The following PCDHGB4 variants were observed in gnomAD, a reference collection of about 807,000 sequenced individuals.
PCDHGB4 encodes the protein protocadherin gamma subfamily B, 4, also known as protocadherin gamma-B4.
Under a neutral mutation model 60.5 loss-of-function variants are expected in PCDHGB4, and 38 were observed. That is an observed-to-expected ratio of 0.63 (90% CI 0.48 to 0.82). The LOEUF (loss-of-function observed/expected upper bound fraction) is 0.82, where lower values mean the gene tolerates loss of function less well. PCDHGB4 is among the 40% of genes least tolerant of loss of function. The pLI is 0.00. For missense variants in PCDHGB4, 1,109 were observed against 1,209.6 expected (o/e 0.92, Z 1.23); for synonymous variants, 456 against 509.7 (o/e 0.89, Z 1.42).
chr5:141,413,365 G>A (rs1046513869), intron 1 of PCDHGB4: 14 of 1,614,000 alleles, frequency 8.7e-6, no homozygotes, highest in Non-Finnish European at 1.2e-5. Flanking sequence ...CCGGGAGCTG[G>A]CGGAGCGCGG....
Position 141,489,391 on chromosome 5 carries a change from G to C in PCDHGB4, c.2398-5416G>C. 6.2e-7 allele frequency: 1 copy of C among 1,614,174 alleles called. No individual in the cohort carries two copies. The highest frequency in any genetic ancestry group is 8.5e-7 in the Non-Finnish European group (1 of 1,180,022). ...GACGCTGGTGGGGAATGTTGCTCAG[G>C]ATCTGGGCTTAAAGATGACAGATCT... On this transcript the variant is annotated intron_variant, in intron 1 of 3. Transcript: ENST00000519479. This position sits in a 1 kb window ranked among gnomAD's most constrained non-coding sequence, Gnocchi z 4.5.
In PCDHGB4 at chr5:141,476,516, G is replaced by T. The variant is rs1042414523; in HGVS notation, c.2398-18291G>T. 1 of 1,614,016 alleles carries T rather than the reference G, an allele frequency of 6.2e-7. No individual in the cohort carries two copies. The highest frequency in any genetic ancestry group is 8.5e-7 in the Non-Finnish European group (1 of 1,180,022). ...CCAGGACATCAACGACAACAATCCT[G>T]CTTTCCCTACCCAGGAAATGAAATT... On this transcript the variant is annotated intron_variant, in intron 1 of 3. Transcript: ENST00000519479. The surrounding 1 kb of genome is among the most constrained non-coding windows in gnomAD (Gnocchi z 7.6).
intron 1 of PCDHGB4, chr5:141,478,344 A>G: frequency 6.2e-7 from 1 of 1,613,882 alleles, no homozygotes; most frequent in Non-Finnish European, 8.5e-7. Context: ...CCCTCCTTGC[A>G]CGCGGACGCC....
chr5:141,419,853 C>A lies in PCDHGB4; in HGVS notation c.2397+29572C>A, dbSNP rs1327953878. The A allele has an allele frequency of 1.9e-6, 3 of 1,614,072 alleles. No homozygotes were observed. In the Admixed American group the frequency reaches 5.0e-5, roughly 27 times the overall value. The stretch of plus-strand genomic sequence containing the variant: ...ACTGCCACGCTGCACCTGGTGTTCG[C>A]AGATAGCTTGCAAGAGGTACTGCCG... On this transcript the variant is annotated intron_variant, in intron 1 of 3. Transcript: ENST00000519479.
rs987203685 is a variant in PCDHGB4 at position 141,403,829 on chromosome 5, C to A, written c.2397+13548C>A. ...TAATGAAAAACAATCTCTGCTATTC[C>A]AGCTTAATGAAAATACTGGGGAAAT... is the stretch of plus-strand genomic sequence containing the variant. On this transcript the variant is annotated intron_variant, in intron 1 of 3. Transcript: ENST00000519479. 1.2e-6 allele frequency: 2 copies of A among 1,613,602 alleles called. No homozygotes were observed. The highest frequency in any genetic ancestry group is 2.2e-5 in the East Asian group (1 of 44,884).
chr5:141,472,371 C>G (rs2099278632), intron 1 of PCDHGB4, among the ~76,000 whole-genome samples: 1 of 151,944 alleles, frequency 6.6e-6, no homozygotes, highest in Admixed American at 6.6e-5. Flanking sequence ...GAAACCCCGT[C>G]TCCACTAAAA....
At chr5:141,413,357 G>A (rs2095629700) in intron 1 of PCDHGB4, 2 of 1,613,874 alleles carry the variant, frequency 1.2e-6, no homozygotes, top group South Asian at 1.1e-5. Flanking sequence ...CTGGCGCCCC[G>A]GGAGCTGGCG....
intron 1 of PCDHGB4, chr5:141,417,545 T>C: frequency 3.2e-6 from 1 of 312,052 alleles, no homozygotes; most frequent in East Asian, 5.5e-5. Context: ...AAAAAATTCC[T>C]TGAAAGAGGT....
At chr5:141,481,747 T>A (rs1319673737) in intron 1 of PCDHGB4, among the ~76,000 whole-genome samples, 3 of 151,684 alleles carry the variant, frequency 2.0e-5, no homozygotes, top group African/African-American at 7.3e-5. Flanking sequence ...AGGTCAGGAG[T>A]CCAAGACCAG....
intron 1 of PCDHGB4, chr5:141,415,153 G>T: frequency 2.5e-6 from 4 of 1,613,780 alleles, no homozygotes; most frequent in Non-Finnish European, 3.4e-6. Context: ...CCCTCTCTCC[G>T]CCACTGTCAC....
chr5:141,419,402 T>G (rs2096376244), intron 1 of PCDHGB4: 1 of 1,613,378 alleles, frequency 6.2e-7, no homozygotes, highest in African/African-American at 1.3e-5. Flanking sequence ...CGGGGTGGTG[T>G]TCGCGCAGCG....
chr5:141,443,733 C>T (rs7723254), intron 1 of PCDHGB4, among the ~76,000 whole-genome samples: 16,856 of 152,062 alleles, frequency 0.11, 1,109 homozygotes, highest in African/African-American at 0.17. Context: ...TCATACATTT[C>T]CCTATCAGTG....
At chr5:141,451,812 C>T (rs974567828) in intron 1 of PCDHGB4, among the ~76,000 whole-genome samples, 1 of 149,686 alleles carries the variant, frequency 6.7e-6, no homozygotes, top group Non-Finnish European at 1.5e-5. Context: ...ACCCAGGAGG[C>T]GGAGGTTACA....
At chr5:141,407,347 TG>T (rs1273387665) in intron 1 of PCDHGB4, among the ~76,000 whole-genome samples, 1 of 152,176 alleles carries the variant, frequency 6.6e-6, no homozygotes, top group Non-Finnish European at 1.5e-5. Flanking sequence ...TATGTTAATT[TG>T]GGGAAAACAT....
chr5:141,438,682 A>G (rs1282726848), intron 1 of PCDHGB4, among the ~76,000 whole-genome samples: 13 of 140,730 alleles, frequency 9.2e-5, no homozygotes, highest in Admixed American at 6.6e-4. Flanking sequence ...GGAGTAGGGG[A>G]TGGAGTCTTG....
At chr5:141,400,467 ATCTGGGGCCTTATT>A in intron 1 of PCDHGB4, 1 of 1,614,042 alleles carries the variant, frequency 6.2e-7, no homozygotes, top group Non-Finnish European at 8.5e-7. Flanking sequence ...GTGGTGATTC[ATCTGGGGCCTTATT>A]TCCACTTTGT....
chr5:141,419,207 CCGGTTTTCGGACAGT>C, intron 1 of PCDHGB4: 5 of 1,613,998 alleles, frequency 3.1e-6, no homozygotes, highest in Non-Finnish European at 4.2e-6. Flanking sequence ...TGACAACGCG[CCGGTTTTCGGACAGT>C]CAGCCTACCT....
chr5:141,476,557 C>T lies in PCDHGB4; in HGVS notation c.2398-18250C>T. On this transcript the variant is annotated intron_variant, in intron 1 of 3. Coordinates refer to ENST00000519479, the MANE Select transcript of PCDHGB4 (RefSeq NM_003736.4). This position sits in a 1 kb window ranked among gnomAD's most constrained non-coding sequence, Gnocchi z 7.6. ...AAATGAAATTGGAGATTAGCGAGGC[C>T]GTGGCTCCGGGGACGCGCTTTCCGC... The T allele has an allele frequency of 1.2e-6, 2 of 1,614,222 alleles. No homozygotes were observed. The highest frequency in any genetic ancestry group is 1.3e-5 in the African/African-American group (1 of 75,060).
intron 1 of PCDHGB4, among the ~76,000 whole-genome samples, chr5:141,472,131 A>C (rs565506002): frequency 6.6e-6 from 1 of 152,264 alleles, no homozygotes; most frequent in Non-Finnish European, 1.5e-5. Flanking sequence ...AGAGAAGTTA[A>C]AAATAAAAGT....
Sources: allele counts gnomAD v4.1 joint callset (sites outside exome capture counted in the v4.1 genomes callset), GRCh38; gene constraint gnomAD v4.1.1; non-coding constraint Gnocchi (gnomAD v3.1); transcripts MANE v1.5; gene names NCBI Gene and HGNC (gene_info 2026-07-23, HGNC 2026-07-21).